Variants in TMEM117 observed in about 807,000 individuals in gnomAD.
The protein encoded by TMEM117 is transmembrane protein 117.
TMEM117 carries 27 observed loss-of-function variants against 52.4 expected under a neutral mutation model. The ratio of observed to expected loss-of-function variants is 0.51; its 90% confidence interval spans 0.38 to 0.71. The LOEUF (loss-of-function observed/expected upper bound fraction) is 0.71. Ranked by LOEUF, TMEM117 falls within the 30% of genes least tolerant of loss-of-function variation. TMEM117 has a pLI of 0.00. For synonymous variants in TMEM117, 215 were observed against 206.3 expected, an observed-to-expected ratio of 1.04 and a Z score of -0.36; for missense variants, 556 against 630.5, an observed-to-expected ratio of 0.88 and a Z score of 1.26.
chr12:43,857,395 C>T (rs1423924144), intron 2 of TMEM117, among the ~76,000 whole-genome samples: 2 of 151,016 alleles, frequency 1.3e-5, no homozygotes, highest in Non-Finnish European at 2.9e-5. Context: ...CCAATCATTG[C>T]CTCCACGTCC....
chr12:44,102,230 G>A (rs1432161285), intron 3 of TMEM117, among the ~76,000 whole-genome samples: 1 of 151,928 alleles, frequency 6.6e-6, no homozygotes, highest in Non-Finnish European at 1.5e-5. Context: ...AAGCATATAG[G>A]ATTTATGCTT....
intron 3 of TMEM117, among the ~76,000 whole-genome samples, chr12:44,023,797 A>G (rs1457923585): frequency 1.7e-5 from 2 of 117,038 alleles, no homozygotes; most frequent in Admixed American, 1.2e-4. Flanking sequence ...GGAACATCAC[A>G]CTCCGGGGAC....
At chr12:44,258,109 T>C (rs529667374) in intron 5 of TMEM117, among the ~76,000 whole-genome samples, 1 of 152,252 alleles carries the variant, frequency 6.6e-6, no homozygotes, top group African/African-American at 2.4e-5. Flanking sequence ...TTCTTTATCT[T>C]GGCTTAGCTT....
chr12:44,031,460 A>G (rs1946631749), intron 3 of TMEM117, among the ~76,000 whole-genome samples: 1 of 152,200 alleles, frequency 6.6e-6, no homozygotes, highest in South Asian at 2.1e-4. Flanking sequence ...GGTTTCTGAT[A>G]ACTTTGGAAA....
intron 4 of TMEM117, among the ~76,000 whole-genome samples, chr12:44,149,769 C>T (rs954518623): frequency 2.6e-5 from 4 of 152,110 alleles, no homozygotes; most frequent in Non-Finnish European, 4.4e-5. Context: ...ATAATCAGTG[C>T]CAATTTTCTA....
intron 3 of TMEM117, among the ~76,000 whole-genome samples, chr12:43,978,006 T>C (rs1258577474): frequency 6.6e-6 from 1 of 152,178 alleles, no homozygotes; most frequent in African/African-American, 2.4e-5. Flanking sequence ...GTTCTAGTCC[T>C]CTAGGGTTAA....
Position 44,205,207 on chromosome 12 carries a change from A to C in TMEM117, c.511-6083A>C, listed in dbSNP as rs79262745. Among the ~76,000 whole-genome samples, 745 of 152,336 alleles carry C rather than the reference A, an allele frequency of 4.9e-3. 4 individuals carry two copies. Among genetic ancestry groups the C allele is most frequent in the African/African-American group, 0.016 (680 of 41,574 alleles). ...AAGGGAGGTGCCAGTGGAGATAATTAATCATGGGGGCAGTTTCCCCCATAC... is the reference window on the plus strand; with the variant it reads ...AAGGGAGGTGCCAGTGGAGATAATTCATCATGGGGGCAGTTTCCCCCATAC... On this transcript the variant is annotated intron_variant, in intron 4 of 7. Coordinates refer to ENST00000266534, the MANE Select transcript of TMEM117 (RefSeq NM_032256.3).
chr12:44,232,712 C>T (rs1949948938), intron 5 of TMEM117, among the ~76,000 whole-genome samples: 1 of 151,344 alleles, frequency 6.6e-6, no homozygotes, highest in Non-Finnish European at 1.5e-5. Context: ...GAATTATGAA[C>T]CTTCCAATCT....
intron 3 of TMEM117, among the ~76,000 whole-genome samples, chr12:44,107,339 T>C (rs1420726204): frequency 1.3e-5 from 2 of 152,090 alleles, no homozygotes; most frequent in Non-Finnish European, 1.5e-5. Context: ...CACATTCTCT[T>C]TTAAGAAACA....
intron 3 of TMEM117, among the ~76,000 whole-genome samples, chr12:44,042,887 T>C (rs1053382216): frequency 5.3e-5 from 8 of 151,882 alleles, no homozygotes; most frequent in Admixed American, 1.3e-4. Flanking sequence ...GAACAGAATA[T>C]TAAGGATGGA....
At chr12:44,367,256 C>T (rs1439947891) in intron 6 of TMEM117, among the ~76,000 whole-genome samples, 2 of 152,094 alleles carry the variant, frequency 1.3e-5, no homozygotes, top group South Asian at 2.1e-4. Flanking sequence ...CTTGAACCAA[C>T]TCTAATCAGG....
intron 3 of TMEM117, among the ~76,000 whole-genome samples, chr12:43,946,376 C>CT (rs1945131218): frequency 2.4e-5 from 1 of 42,404 alleles, no homozygotes; most frequent in Non-Finnish European, 5.2e-5. Context: ...TGATATAATT[C>CT]TGTTTTTTTT....
At chr12:44,051,319 G>T (rs950713513) in intron 3 of TMEM117, among the ~76,000 whole-genome samples, 1 of 152,032 alleles carries the variant, frequency 6.6e-6, no homozygotes, top group East Asian at 1.9e-4. Flanking sequence ...TAATAATAAT[G>T]ACAGTAATAA....
Position 44,152,542 on chromosome 12 carries a change from A to T in TMEM117, c.510+8918A>T, listed in dbSNP as rs1365986765. Among the ~76,000 whole-genome samples, 3 of 119,858 alleles carry T rather than the reference A, an allele frequency of 2.5e-5. No individual in the cohort carries two copies. The East Asian group carries it at 7.6e-4, about 30-fold the overall frequency. The allele number at this position is 119,858 out of a possible 152,430, so 78.6% of individuals were successfully genotyped here. A position where few individuals can be genotyped will look rare whatever the true frequency, so the allele number is the denominator to read the frequency against. ...TTTATATATATATTTATATCATATA[A>T]ATTTTTATATATAATATTTATATCA... On this transcript the variant is annotated intron_variant, in intron 4 of 7. Transcript: ENST00000266534.
chr12:44,096,202 T>C (rs549582810), intron 3 of TMEM117, among the ~76,000 whole-genome samples: 1 of 152,022 alleles, frequency 6.6e-6, no homozygotes, highest in South Asian at 2.1e-4. Flanking sequence ...CATTACTCAA[T>C]GAAATAAAAG....
At chr12:44,279,848 A>C (rs985904993) in intron 5 of TMEM117, among the ~76,000 whole-genome samples, 2 of 152,106 alleles carry the variant, frequency 1.3e-5, no homozygotes, top group Non-Finnish European at 2.9e-5. Flanking sequence ...TTGAAGAAGG[A>C]AATGTCTTCA....
chr12:43,884,457 TTC>T (rs1433681482), intron 2 of TMEM117, among the ~76,000 whole-genome samples: 41 of 152,306 alleles, frequency 2.7e-4, no homozygotes, highest in African/African-American at 9.6e-4. Flanking sequence ...TTCTGTTCAG[TTC>T]TCTCTAGCAT....
At chr12:44,259,228 C>T (rs1367767770) in intron 5 of TMEM117, among the ~76,000 whole-genome samples, 1 of 152,032 alleles carries the variant, frequency 6.6e-6, no homozygotes, top group East Asian at 1.9e-4. Context: ...ATATAGCAAC[C>T]TACAATATGA....
At chr12:44,121,304 A>T (rs1346507041) in intron 3 of TMEM117, among the ~76,000 whole-genome samples, 2 of 152,080 alleles carry the variant, frequency 1.3e-5, no homozygotes, top group African/African-American at 4.8e-5. Flanking sequence ...GTAAACCTAA[A>T]ATCTGTAATA....
Sources: gnomAD v4.1 joint callset for allele counts (sites outside exome capture counted in the v4.1 genomes callset) on GRCh38, gnomAD v4.1.1 for gene constraint, MANE v1.5 for transcripts, NCBI Gene and HGNC (gene_info 2026-07-23, HGNC 2026-07-21) for gene names.